The following APOB variants were observed in gnomAD, a reference collection of about 807,000 sequenced individuals.
APOB encodes the protein apolipoprotein B-100.
In APOB, 153 loss-of-function variants were observed where a neutral mutation model predicts 314.1. That is an observed-to-expected ratio of 0.49 (90% CI 0.43 to 0.56). The LOEUF is 0.56. Among genes scored for constraint, APOB ranks in the 20% least tolerant of loss-of-function variants. The pLI is 0.00. For synonymous variants in APOB, 2,087 were observed against 2,036.4 expected (o/e 1.02, Z -0.67); for missense variants, 5,430 against 5,350.7 (o/e 1.01, Z -0.46).
In APOB at chr2:21,010,263, A is replaced by G; in HGVS notation, c.6605T>C (p.Ile2202Thr). Residue 2202 changes from isoleucine to threonine, a missense_variant, in exon 26 of 29, where the codon ATT (isoleucine) becomes ACT (threonine). Around this residue, in one of 3 missense-constraint regions of APOB, gnomAD observed 3,281 missense variants for 3,171.0 expected, o/e 1.03. Transcript: ENST00000233242. ...HDLKIAIANI[I>T]DEIIEKLKSL... Reference sequence around the variant, plus strand: ...TTTTAATTTTTCAATGATTTCATCAATAATATTAGCAATAGCTATTTTCAA... The same window carrying G: ...TTTTAATTTTTCAATGATTTCATCAGTAATATTAGCAATAGCTATTTTCAA... The G allele has an allele frequency of 6.4e-7, 1 of 1,555,964 alleles. No homozygotes were observed. Among genetic ancestry groups the G allele is most frequent in the South Asian group, 1.2e-5 (1 of 81,154 alleles).
chr2:21,002,196 C>A lies in APOB; in HGVS notation c.13226G>T (p.Ser4409Ile), dbSNP rs775670671. 1 of 1,614,014 alleles carries A rather than the reference C, an allele frequency of 6.2e-7. No individual in the cohort carries two copies. Among genetic ancestry groups the A allele is most frequent in the South Asian group, 1.1e-5 (1 of 91,080 alleles). ...KYYELEEKIV[S>I]LIKNLLVALK... is the part of the protein sequence containing the mutation. The stretch of plus-strand genomic sequence containing the variant: ...AGCAACTAACAGGTTCTTGATCAGA[C>A]TGACTATCTTTTCTTCAAGTTCATA... Residue 4409 changes from serine (S) to isoleucine (I), a missense_variant, in exon 29 of 29, where the codon AGT becomes ATT. By Grantham distance (142) the Ser-to-Ile change is moderately radical. Transcript: ENST00000233242.
At chr2:21,028,724 C>T (rs1164138662) in intron 12 of APOB, among the ~76,000 whole-genome samples, 186 bp from the exon 13 acceptor site, 1 of 152,158 alleles carries the variant, frequency 6.6e-6, no homozygotes, top group Non-Finnish European at 1.5e-5. Flanking sequence ...AGTAAGGGTT[C>T]CCAGAAAAAG....
In APOB at chr2:21,009,023, A is replaced by G; in HGVS notation, c.7845T>C (p.Pro2615=). ...AATCTGTTAGGGGGACTATAAAATC[A>G]GGTGTCTGGAAGGTAGCTTTCTGAA... The part of the protein sequence containing the change: ...QALQKATFQT[P]DFIVPLTDLR... Residue 2615 remains proline, a synonymous_variant, in exon 26 of 29, where the codon CCT becomes CCC. Coordinates refer to ENST00000233242, the MANE Select transcript of APOB (RefSeq NM_000384.3). 1 of 1,614,126 alleles carries G rather than the reference A, an allele frequency of 6.2e-7. No individual in the cohort carries two copies. Among genetic ancestry groups the G allele is most frequent in the Non-Finnish European group, 8.5e-7 (1 of 1,179,954 alleles).
intron 16 of APOB, chr2:21,023,939 T>C: frequency 2.8e-6 from 1 of 360,610 alleles, no homozygotes; most frequent in Non-Finnish European, 5.0e-6. Context: ...CTCAGAAGGC[T>C]CTTAAGAATA....
intron 16 of APOB, chr2:21,024,103 T>G (rs1558570675): frequency 6.5e-6 from 1 of 153,342 alleles, no homozygotes; most frequent in Non-Finnish European, 1.4e-5. Flanking sequence ...ATTGAGATGA[T>G]GTACATATCA....
intron 26 of APOB, 89 bp downstream of exon 26, chr2:21,004,991 A>ATC (rs1663088186): frequency 6.5e-7 from 1 of 1,533,922 alleles, no homozygotes; most frequent in African/African-American, 1.4e-5. Flanking sequence ...GTAATTGTAC[A>ATC]TCTACTCACA....
chr2:21,006,370 C>T lies in APOB; in HGVS notation c.10498G>A (p.Val3500Ile), dbSNP rs1572778455. ...FSIESSTKGDVKGSVLSREYS... is the reference protein window; with the variant it reads ...FSIESSTKGDIKGSVLSREYS... ...TCCCGAGAAAGAACCGAACCCTTGA[C>T]ATCTCCTTTGGTAGATGACTCAATG... The change falls in exon 26 of 29, where the codon GTC becomes ATC. Residue 3500 changes from valine (V) to isoleucine (I), a missense_variant. Coordinates refer to ENST00000233242, the MANE Select transcript of APOB (RefSeq NM_000384.3). 2 of 1,614,036 alleles carry T rather than the reference C, an allele frequency of 1.2e-6. No individual in the cohort carries two copies. The highest frequency in any genetic ancestry group is 2.2e-5 in the East Asian group (1 of 44,886).
chr2:21,033,571 T>C (rs1663932804), intron 8 of APOB, 53 bp from the exon 9 acceptor site: 3 of 1,472,884 alleles, frequency 2.0e-6, no homozygotes, highest in Non-Finnish European at 2.8e-6. Context: ...CTCAACCATA[T>C]CTTTGTCTAC....
chr2:21,005,968 TC>T lies in APOB; in HGVS notation c.10899del (p.Trp3633Ter). 1 of 1,613,936 alleles carries T rather than the reference TC, an allele frequency of 6.2e-7. No homozygotes were observed. On this transcript the variant is annotated frameshift_variant, in exon 26 of 29. Coordinates refer to ENST00000233242, the MANE Select transcript of APOB (RefSeq NM_000384.3). LOFTEE classifies it high-confidence loss of function. ...CCAGAATGAATCCGGACTTCATTTT[TC>T]CATCTGATCTTCTGGTTCTTAGTGT... ...NANTKNQKIR[W>X]KNEVRIHSGS...
rs772429691 is a variant in APOB at position 21,007,398 on chromosome 2, C to T, written c.9470G>A (p.Gly3157Asp). 7 of 1,613,946 alleles carry T rather than the reference C, an allele frequency of 4.3e-6. No homozygotes were observed. The highest frequency in any genetic ancestry group is 5.1e-6 in the Non-Finnish European group (6 of 1,179,952). The stretch of plus-strand genomic sequence containing the variant: ...TGTCGTTTTCAAGAATTCCTTCAAG[C>T]CTGTTTTTTCCCATAGAGAGAAATC... Reference protein sequence around the residue: ...LKDFSLWEKTGLKEFLKTTKQ... With the variant: ...LKDFSLWEKTDLKEFLKTTKQ... The change falls in exon 26 of 29, where the codon GGC becomes GAC. Residue 3157 changes from glycine to aspartate, a missense_variant. Transcript: ENST00000233242.
intron 19 of APOB, 22 bp from the exon 20 acceptor site, chr2:21,019,135 C>T (rs1558568650): frequency 6.2e-7 from 1 of 1,613,982 alleles, no homozygotes; most frequent in South Asian, 1.1e-5. Context: ...ACAATGAAGA[C>T]AGTGCATAAT....
At position 21,002,080 on chromosome 2, in the gene APOB, T is replaced by A. The variant is rs200469887; in HGVS notation, c.13342A>T (p.Ile4448Phe). 5 of 1,614,024 alleles carry A rather than the reference T, an allele frequency of 3.1e-6. No individual in the cohort carries two copies. In the African/African-American group the frequency reaches 4.0e-5, roughly 13 times the overall value. The change falls in exon 29 of 29, where the codon ATT becomes TTT. Residue 4448 changes from isoleucine to phenylalanine, a missense_variant. Physicochemically the swap from Ile to Phe is conservative, Grantham distance 21. Around this residue, in one of 3 missense-constraint regions of APOB, gnomAD observed 3,281 missense variants for 3,171.0 expected, o/e 1.03. Coordinates refer to ENST00000233242, the MANE Select transcript of APOB (RefSeq NM_000384.3). ...GTAAGGATGCTAAGATATTCCTGAA[T>A]ATTTCTGTGCAGAAATTGCTCAACT... ...SQVEQFLHRN[I>F]QEYLSILTDP... is the part of the protein sequence containing the mutation.
rs775661185 is a variant in APOB, at chr2:21,007,922, G to A, written c.8946C>T (p.Asn2982=). Residue 2982 remains asparagine, a synonymous_variant, in exon 26 of 29, where the codon AAC becomes AAT. Transcript: ENST00000233242. ...GTGATTGAATTTCAAGTTTAGAAAA[G>A]TTGAGGGAGCCAGATTCATAAACCA... ...QNLVYESGSL[N]FSKLEIQSQV... The A allele has an allele frequency of 6.2e-6, 10 of 1,614,070 alleles. No individual in the cohort carries two copies. The East Asian group carries it at 2.2e-4, about 36-fold the overall frequency.
chr2:21,036,353 A>T (rs1220409965), intron 6 of APOB, among the ~76,000 whole-genome samples: 1 of 152,150 alleles, frequency 6.6e-6, no homozygotes, highest in Non-Finnish European at 1.5e-5. Context: ...TCCTCTTCTG[A>T]CTGTGGCACT....
In APOB at chr2:21,023,511, A is replaced by G. The variant is rs773839832; in HGVS notation, c.2604+14T>C. ...GTAATAACCTAAGAAATCAAAAGGC[A>G]AACAGAATCTTACGTTGGCTACTTC... is the stretch of plus-strand genomic sequence containing the variant. On this transcript the variant is annotated intron_variant, in intron 17 of 28. Transcript: ENST00000233242. 6.2e-7 allele frequency: 1 copy of G among 1,614,090 alleles called. No homozygotes were observed. The highest frequency in any genetic ancestry group is 8.5e-7 in the Non-Finnish European group (1 of 1,179,928).
In APOB at chr2:21,026,836, C is replaced by T. The variant is rs768387130; in HGVS notation, c.2196G>A (p.Lys732=). 5 of 1,614,088 alleles carry T rather than the reference C, an allele frequency of 3.1e-6. No individual in the cohort carries two copies. Among genetic ancestry groups the T allele is most frequent in the South Asian group, 2.2e-5 (2 of 91,080 alleles). ...VNGQVPDGVS[K]VLVDHFGYTK... ...TATAGCCAAAGTGGTCCACTAAGAC[C>T]TTAGAGACACCATCAGGAACTTGAC... Residue 732 remains lysine (K), a synonymous_variant, in exon 15 of 29, where the codon AAG becomes AAA. Transcript: ENST00000233242.
intron 4 of APOB, among the ~76,000 whole-genome samples, chr2:21,039,002 G>T (rs1006953746): frequency 1.8e-4 from 28 of 152,026 alleles, no homozygotes; most frequent in Non-Finnish European, 2.9e-5. Context: ...CCATTTGATG[G>T]CATTTGCCCT....
In APOB at chr2:21,003,326, T is replaced by A; in HGVS notation, c.12096A>T (p.Pro4032=). 2 of 1,612,726 alleles carry A rather than the reference T, an allele frequency of 1.2e-6. No individual in the cohort carries two copies. Among genetic ancestry groups the A allele is most frequent in the Non-Finnish European group, 1.7e-6 (2 of 1,179,628 alleles). ...WNFYYSPQSS[P]DKKLTIFKTE... is the part of the protein sequence containing the mutation. Reference sequence around the variant, plus strand: ...TTTTGAATATGGTGAGTTTTTTATCTGGAGAGGACTAAACAGAGAGAAAAA... The same window carrying A: ...TTTTGAATATGGTGAGTTTTTTATCAGGAGAGGACTAAACAGAGAGAAAAA... The change falls in exon 29 of 29, where the codon CCA becomes CCT. Residue 4032 remains proline (P), a synonymous_variant. Coordinates refer to ENST00000233242, the MANE Select transcript of APOB (RefSeq NM_000384.3).
Position 21,032,403 on chromosome 2 carries a change from C to G in APOB, c.1303G>C (p.Asp435His). 2 of 1,614,020 alleles carry G rather than the reference C, an allele frequency of 1.2e-6. No individual in the cohort carries two copies. The highest frequency in any genetic ancestry group is 1.7e-6 in the Non-Finnish European group (2 of 1,180,034). The change falls in exon 10 of 29, where the codon GAT (aspartate) becomes CAT (histidine). Residue 435 changes from aspartate to histidine, a missense_variant. By Grantham distance (81) the Asp-to-His change is moderately conservative. This residue lies in a region of APOB where 2,085 missense variants were observed against 2,079.7 expected (regional missense o/e 1.00). Coordinates refer to ENST00000233242, the MANE Select transcript of APOB (RefSeq NM_000384.3). ...QLREIFNMAR[D>H]QRSRATLYAL... Reference sequence around the variant, plus strand: ...TACAAGGTGGCTCGGCTGCGCTGATCCCTCGCCATGTTGAAGATCTCTCGC... The same window carrying G: ...TACAAGGTGGCTCGGCTGCGCTGATGCCTCGCCATGTTGAAGATCTCTCGC...
Sources: gnomAD v4.1 joint callset for allele counts (sites outside exome capture counted in the v4.1 genomes callset) on GRCh38, gnomAD v4.1.1 for gene constraint, gnomAD v4.1.1 regional missense constraint, MANE v1.5 for transcripts, NCBI Gene and HGNC (gene_info 2026-07-23, HGNC 2026-07-21) for gene names.